Variants in SPTLC3 observed in about 807,000 individuals in gnomAD.
The protein encoded by SPTLC3 is serine palmitoyltransferase 3.
Under a neutral mutation model 59.3 loss-of-function variants are expected in SPTLC3, and 36 were observed. That is an observed-to-expected ratio of 0.61 (90% CI 0.47 to 0.80). The LOEUF (loss-of-function observed/expected upper bound fraction) is 0.80. Ranked by LOEUF, SPTLC3 falls within the 30% of genes least tolerant of loss-of-function variation. The probability of loss-of-function intolerance (pLI) is 0.00; values close to 1 mark genes in which losing one functional copy is unlikely to be tolerated. For missense variants in SPTLC3, 625 were observed against 685.1 expected, an observed-to-expected ratio of 0.91 and a Z score of 0.98; for synonymous variants, 257 against 240.8, an observed-to-expected ratio of 1.07 and a Z score of -0.62.
chr20:13,096,560 A>C (rs563979802), intron 6 of SPTLC3, among the ~76,000 whole-genome samples: 1 of 152,080 alleles, frequency 6.6e-6, no homozygotes, highest in Non-Finnish European at 1.5e-5. Context: ...ATACTGTCTG[A>C]GTTCATTTGT....
chr20:13,043,226 G>A (rs111787875), intron 1 of SPTLC3, among the ~76,000 whole-genome samples: 125 of 152,190 alleles, frequency 8.2e-4, no homozygotes, highest in African/African-American at 2.8e-3. Context: ...TGGCCCTCTC[G>A]TTAGCTCCAG....
chr20:13,089,580 G>A (rs1460788535), intron 4 of SPTLC3, among the ~76,000 whole-genome samples: 1 of 152,052 alleles, frequency 6.6e-6, no homozygotes, highest in Non-Finnish European at 1.5e-5. Flanking sequence ...GAGCTCAGGA[G>A]TTCGAGACCA....
chr20:13,145,409 A>G, intron 9 of SPTLC3, among the ~76,000 whole-genome samples: 1 of 152,216 alleles, frequency 6.6e-6, no homozygotes, highest in African/African-American at 2.4e-5. Flanking sequence ...AGAATAAAAT[A>G]CCTTGGAATA....
rs184083483 is a variant in SPTLC3, at chr20:13,109,554, A to G, written c.827-558A>G. 3.7e-3 allele frequency among the ~76,000 whole-genome samples: 570 copies of G among 152,330 alleles called. 4 individuals carry two copies. Among genetic ancestry groups the G allele is most frequent in the Middle Eastern group, 0.01 (3 of 294 alleles). ...CCTGGCACACAGATAGGGCTCAATA[A>G]CTGTGAGCTATTATTGTGTTCAGAG... On this transcript the variant is annotated intron_variant, in intron 6 of 11. Transcript: ENST00000399002.
At chr20:13,025,250 C>T (rs1986087159) in intron 1 of SPTLC3, among the ~76,000 whole-genome samples, 1 of 152,102 alleles carries the variant, frequency 6.6e-6, no homozygotes, top group Non-Finnish European at 1.5e-5. Context: ...ATATAATGAA[C>T]CAAGATTTGA....
At chr20:13,134,475 A>G (rs1466110904) in intron 9 of SPTLC3, among the ~76,000 whole-genome samples, 1 of 152,186 alleles carries the variant, frequency 6.6e-6, no homozygotes, top group Non-Finnish European at 1.5e-5. Flanking sequence ...TGATGATGGG[A>G]GTGCCAGACA....
chr20:13,038,481 G>A (rs74878592), intron 1 of SPTLC3, among the ~76,000 whole-genome samples: 7,905 of 151,928 alleles, frequency 0.052, 242 homozygotes, highest in South Asian at 0.083. Context: ...ATTATTCATC[G>A]CATTCCCTTA....
intron 2 of SPTLC3, among the ~76,000 whole-genome samples, chr20:13,064,271 CTTT>C (rs33973192): frequency 7.3e-5 from 10 of 137,256 alleles, no homozygotes; most frequent in East Asian, 4.2e-4. Flanking sequence ...TTTTCCTTTT[CTTT>C]TTTTTTTTTG....
At chr20:13,036,737 G>T (rs1357811169) in intron 1 of SPTLC3, among the ~76,000 whole-genome samples, 2 of 151,848 alleles carry the variant, frequency 1.3e-5, no homozygotes, top group African/African-American at 4.8e-5. Context: ...AGTTGATTTG[G>T]GACATAAACA....
chr20:13,133,748 G>A (rs1165089822), intron 9 of SPTLC3, among the ~76,000 whole-genome samples: 2 of 152,068 alleles, frequency 1.3e-5, no homozygotes, highest in Non-Finnish European at 2.9e-5. Context: ...GACGAGATAT[G>A]GGGTTTATTT....
At chr20:13,047,346 T>C (rs1317504889) in intron 1 of SPTLC3, among the ~76,000 whole-genome samples, 1 of 152,110 alleles carries the variant, frequency 6.6e-6, no homozygotes, top group Non-Finnish European at 1.5e-5. Context: ...AAACAGTATT[T>C]CAAATGTACA....
At chr20:13,087,139 G>A (rs1226534303) in intron 4 of SPTLC3, among the ~76,000 whole-genome samples, 1 of 152,110 alleles carries the variant, frequency 6.6e-6, no homozygotes. Context: ...GGATCTTGTA[G>A]GGAGCAATTT....
intron 9 of SPTLC3, among the ~76,000 whole-genome samples, chr20:13,149,689 T>C (rs888180221): frequency 1.3e-5 from 2 of 152,208 alleles, no homozygotes; most frequent in African/African-American, 4.8e-5. Flanking sequence ...ATAAAACATT[T>C]AGTTCTTAGG....
intron 1 of SPTLC3, among the ~76,000 whole-genome samples, chr20:13,034,755 G>A (rs1467424798): frequency 6.6e-6 from 1 of 151,698 alleles, no homozygotes; most frequent in Admixed American, 6.6e-5. Flanking sequence ...ATTTGCGTCA[G>A]TTCTACATGT....
At chr20:13,076,357 G>T (rs1988645171) in intron 4 of SPTLC3, among the ~76,000 whole-genome samples, 1 of 152,128 alleles carries the variant, frequency 6.6e-6, no homozygotes, top group Non-Finnish European at 1.5e-5. Flanking sequence ...TGTCTTAAGA[G>T]AATATTTAAC....
intron 2 of SPTLC3, chr20:13,049,783 G>A (rs1987397435): frequency 6.6e-6 from 1 of 152,138 alleles, no homozygotes; most frequent in Non-Finnish European, 1.5e-5. Flanking sequence ...AGGACTCTGT[G>A]GAGACAATCC....
At chr20:13,043,530 T>G (rs1189019436) in intron 1 of SPTLC3, among the ~76,000 whole-genome samples, 1 of 152,206 alleles carries the variant, frequency 6.6e-6, no homozygotes, top group Non-Finnish European at 1.5e-5. Context: ...GCACAAGAAG[T>G]GACTGCATCA....
chr20:13,090,652 G>A (rs1373935578), intron 4 of SPTLC3, among the ~76,000 whole-genome samples: 1 of 152,148 alleles, frequency 6.6e-6, no homozygotes, highest in African/African-American at 2.4e-5. Context: ...AGAACATTCA[G>A]AGAATCTAAA....
At chr20:13,153,193 C>G (rs1345807635) in intron 9 of SPTLC3, among the ~76,000 whole-genome samples, 1 of 152,228 alleles carries the variant, frequency 6.6e-6, no homozygotes, top group East Asian at 1.9e-4. Flanking sequence ...TGTTTTGAAG[C>G]AGGACCCGAG....
Sources: gnomAD v4.1 joint callset for allele counts (sites outside exome capture counted in the v4.1 genomes callset) on GRCh38, gnomAD v4.1.1 for gene constraint, MANE v1.5 for transcripts, NCBI Gene and HGNC (gene_info 2026-07-23, HGNC 2026-07-21) for gene names.